The following LDB2 variants were observed in gnomAD, a reference collection of about 807,000 sequenced individuals.
The protein encoded by LDB2 is LIM domain binding 2.
Under a neutral mutation model 44.3 loss-of-function variants are expected in LDB2, and 12 were observed. The ratio of observed to expected loss-of-function variants is 0.27; its 90% CI spans 0.17 to 0.44. LDB2 has a LOEUF of 0.44. LDB2 is among the 20% of genes least tolerant of loss of function. The pLI is 1.00. For missense variants in LDB2, 344 were observed against 473.5 expected (o/e 0.73, Z 2.54); for synonymous variants, 164 against 174.8 (o/e 0.94, Z 0.49).
intron 2 of LDB2, among the ~76,000 whole-genome samples, chr4:16,601,234 A>T (rs1399089055): frequency 6.6e-6 from 1 of 152,084 alleles, no homozygotes; most frequent in Non-Finnish European, 1.5e-5. Flanking sequence ...GTTAGGTGGG[A>T]CTCTAAGCTC....
chr4:16,620,345 A>T (rs939899455), intron 2 of LDB2, among the ~76,000 whole-genome samples: 15 of 152,202 alleles, frequency 9.9e-5, no homozygotes, highest in Middle Eastern at 3.2e-3. Flanking sequence ...AACCAGACAT[A>T]AGTAAGTTCT....
chr4:16,769,622 TAAAC>T (rs1233775162), intron 1 of LDB2, among the ~76,000 whole-genome samples: 1 of 151,852 alleles, frequency 6.6e-6, no homozygotes, highest in Non-Finnish European at 1.5e-5. Flanking sequence ...TTTTTTTTCT[TAAAC>T]AACTCATGTT....
At chr4:16,676,745 C>T (rs1388973987) in intron 2 of LDB2, among the ~76,000 whole-genome samples, 1 of 152,094 alleles carries the variant, frequency 6.6e-6, no homozygotes, top group East Asian at 1.9e-4. Context: ...ACAAAACAAA[C>T]CAAAACATAT....
chr4:16,879,604 A>G (rs1163100007), intron 1 of LDB2, among the ~76,000 whole-genome samples: 2 of 152,218 alleles, frequency 1.3e-5, no homozygotes, highest in African/African-American at 4.8e-5. Context: ...TTCAGACTTG[A>G]ACTGGAATTT....
chr4:16,754,904 A>ATC (rs1766208915), intron 2 of LDB2, among the ~76,000 whole-genome samples: 2 of 152,302 alleles, frequency 1.3e-5, no homozygotes, highest in South Asian at 4.1e-4. Flanking sequence ...AGCATGGATT[A>ATC]AAGCCCAAGA....
intron 2 of LDB2, among the ~76,000 whole-genome samples, chr4:16,739,221 C>G (rs1340910556): frequency 1.3e-5 from 2 of 151,652 alleles, no homozygotes; most frequent in Non-Finnish European, 2.9e-5. Flanking sequence ...TTTTTGGAGA[C>G]AATTTTTGGA....
chr4:16,627,163 G>A (rs1009988590), intron 2 of LDB2, among the ~76,000 whole-genome samples: 4 of 152,122 alleles, frequency 2.6e-5, no homozygotes, highest in East Asian at 1.9e-4. Flanking sequence ...GGTCAGTGAC[G>A]AAACCATTAT....
chr4:16,548,848 A>T (rs1258939910), intron 5 of LDB2, among the ~76,000 whole-genome samples: 1 of 152,254 alleles, frequency 6.6e-6, no homozygotes. Flanking sequence ...CACAAGGAAA[A>T]CAGCAAAGTG....
chr4:16,725,496 G>C (rs1443432593), intron 2 of LDB2, among the ~76,000 whole-genome samples: 1 of 152,092 alleles, frequency 6.6e-6, no homozygotes, highest in Non-Finnish European at 1.5e-5. Context: ...TAACAATCCA[G>C]GAAGCTAAAC....
intron 1 of LDB2, among the ~76,000 whole-genome samples, chr4:16,801,733 T>C (rs941891730): frequency 2.6e-5 from 4 of 152,244 alleles, no homozygotes; most frequent in South Asian, 2.1e-4. Context: ...CAGTGTTTTA[T>C]AGTCTTTCCA....
intron 1 of LDB2, among the ~76,000 whole-genome samples, chr4:16,848,908 C>A (rs1269469602): frequency 6.6e-6 from 1 of 152,168 alleles, no homozygotes; most frequent in East Asian, 1.9e-4. Flanking sequence ...CAGTAATGCA[C>A]TCTCTGCATG....
chr4:16,727,067 G>A (rs1437605215), intron 2 of LDB2, among the ~76,000 whole-genome samples: 4 of 152,204 alleles, frequency 2.6e-5, no homozygotes, highest in Non-Finnish European at 5.9e-5. Context: ...CACGGATTAA[G>A]AAATTGATGA....
chr4:16,768,200 T>TG, intron 1 of LDB2, among the ~76,000 whole-genome samples: 1 of 152,304 alleles, frequency 6.6e-6, no homozygotes, highest in African/African-American at 2.4e-5. Context: ...TGTGTTTTTT[T>TG]TTTATTAAAA....
At chr4:16,639,944 C>T (rs1185909366) in intron 2 of LDB2, among the ~76,000 whole-genome samples, 1 of 152,246 alleles carries the variant, frequency 6.6e-6, no homozygotes, top group African/African-American at 2.4e-5. Context: ...TGACAAATAG[C>T]ATATGTTGTC....
chr4:16,529,954 A>G (rs1729581386), intron 5 of LDB2, among the ~76,000 whole-genome samples: 2 of 152,162 alleles, frequency 1.3e-5, no homozygotes, highest in South Asian at 4.1e-4. Flanking sequence ...GCTTGGGGTG[A>G]GCATATTCAT....
At chr4:16,717,068 A>G (rs1372589072) in intron 2 of LDB2, among the ~76,000 whole-genome samples, 2 of 151,956 alleles carry the variant, frequency 1.3e-5, no homozygotes, top group African/African-American at 4.8e-5. Flanking sequence ...AAAGTAATAG[A>G]TGGTTAGGTT....
chr4:16,634,658 G>A (rs1177956732), intron 2 of LDB2, among the ~76,000 whole-genome samples: 1 of 152,126 alleles, frequency 6.6e-6, no homozygotes, highest in African/African-American at 2.4e-5. Context: ...ATGCTGGAGA[G>A]GTTGTGGAAA....
intron 1 of LDB2, among the ~76,000 whole-genome samples, chr4:16,824,492 C>A (rs1782692329): frequency 6.6e-6 from 1 of 152,174 alleles, no homozygotes; most frequent in Non-Finnish European, 1.5e-5. Flanking sequence ...TGTGCTGAGA[C>A]CTGTCCAAAC....
chr4:16,896,081 A>C (rs1428692008), intron 1 of LDB2, among the ~76,000 whole-genome samples: 1 of 152,180 alleles, frequency 6.6e-6, no homozygotes, highest in Non-Finnish European at 1.5e-5. Flanking sequence ...TATCTAATTA[A>C]GGAGGGAAAA....
Sources: allele counts gnomAD v4.1 joint callset (sites outside exome capture counted in the v4.1 genomes callset), GRCh38; gene constraint gnomAD v4.1.1; transcripts MANE v1.5; gene names NCBI Gene and HGNC (gene_info 2026-07-23, HGNC 2026-07-21).